The following RBMS3 variants were observed in gnomAD, a reference collection of about 807,000 sequenced individuals.
RBMS3 encodes the protein RNA-binding motif, single-stranded-interacting protein 3.
A neutral mutation model predicts 66.8 loss-of-function variants in RBMS3; 27 were observed. That is an observed-to-expected ratio of 0.40 (90% CI 0.30 to 0.56). RBMS3 has a LOEUF of 0.56. Among genes scored for constraint, RBMS3 ranks in the 20% least tolerant of loss-of-function variants. RBMS3 has a pLI of 0.40. For missense variants in RBMS3, 513 were observed against 549.5 expected (o/e 0.93, Z 0.66); for synonymous variants, 188 against 183.0 (o/e 1.03, Z -0.22).
intron 2 of RBMS3, among the ~76,000 whole-genome samples, chr3:29,440,731 G>C (rs1358375786): frequency 5.3e-5 from 8 of 152,180 alleles, no homozygotes; most frequent in Non-Finnish European, 1.0e-4. Flanking sequence ...AACCCTGTTG[G>C]ATGTCTCATT....
chr3:29,541,996 T>A (rs2045781270), intron 3 of RBMS3, among the ~76,000 whole-genome samples: 1 of 152,192 alleles, frequency 6.6e-6, no homozygotes. Flanking sequence ...TTTCTCACTA[T>A]CTTTTTCCCC....
intron 10 of RBMS3, among the ~76,000 whole-genome samples, chr3:29,921,962 T>G (rs77957067): frequency 0.014 from 2,173 of 152,194 alleles, 53 homozygotes; most frequent in African/African-American, 0.049. Context: ...CAGTGGGAGA[T>G]GCAAGTCTTG....
intron 6 of RBMS3, among the ~76,000 whole-genome samples, chr3:29,833,053 A>G (rs1018319426): frequency 2.6e-5 from 4 of 152,118 alleles, no homozygotes; most frequent in African/African-American, 9.7e-5. Flanking sequence ...TGGGATCGAG[A>G]GACAGCATAC....
chr3:29,368,397 A>T (rs563365355), intron 1 of RBMS3, among the ~76,000 whole-genome samples: 1 of 152,238 alleles, frequency 6.6e-6, no homozygotes, highest in Non-Finnish European at 1.5e-5. Context: ...ATTGCTGGGT[A>T]GAAAATTTGT....
chr3:29,822,790 G>A (rs2058106181), intron 6 of RBMS3, among the ~76,000 whole-genome samples: 1 of 152,102 alleles, frequency 6.6e-6, no homozygotes, highest in African/African-American at 2.4e-5. Context: ...CGCTGTTCAT[G>A]TCTACCTATG....
At chr3:29,397,138 G>T (rs1375521385) in intron 1 of RBMS3, among the ~76,000 whole-genome samples, 1 of 152,124 alleles carries the variant, frequency 6.6e-6, no homozygotes, top group African/African-American at 2.4e-5. Flanking sequence ...GAGAACTGCA[G>T]ATAGAGTTAA....
At chr3:29,417,713 A>G (rs1472371019) in intron 1 of RBMS3, among the ~76,000 whole-genome samples, 1 of 152,190 alleles carries the variant, frequency 6.6e-6, no homozygotes, top group Non-Finnish European at 1.5e-5. Context: ...CAAAGTCGGG[A>G]ATATCTGAAC....
chr3:29,619,417 A>G (rs975272289), intron 4 of RBMS3, among the ~76,000 whole-genome samples: 1 of 152,218 alleles, frequency 6.6e-6, no homozygotes, highest in Non-Finnish European at 1.5e-5. Flanking sequence ...GATAGGCATG[A>G]TAGTGTAAGC....
At chr3:29,939,051 T>A (rs751786106) in intron 11 of RBMS3, among the ~76,000 whole-genome samples, 3 of 151,936 alleles carry the variant, frequency 2.0e-5, no homozygotes, top group Non-Finnish European at 4.4e-5. Flanking sequence ...AGAAGTGATG[T>A]AACACACAGT....
intron 10 of RBMS3, among the ~76,000 whole-genome samples, chr3:29,916,365 G>C (rs2060638076): frequency 6.6e-6 from 1 of 151,852 alleles, no homozygotes; most frequent in Non-Finnish European, 1.5e-5. Flanking sequence ...ATAATCTCCA[G>C]TGAATATCCA....
At chr3:29,853,428 T>C (rs368160302) in intron 6 of RBMS3, among the ~76,000 whole-genome samples, 22 of 131,372 alleles carry the variant, frequency 1.7e-4, no homozygotes, top group Admixed American at 3.0e-4. Flanking sequence ...ACTTTCTTTT[T>C]TTTTTTTTTT....
At chr3:29,707,980 C>A (rs2052986413) in intron 4 of RBMS3, among the ~76,000 whole-genome samples, 2 of 152,202 alleles carry the variant, frequency 1.3e-5, no homozygotes, top group Non-Finnish European at 2.9e-5. Flanking sequence ...GGATGGCCCT[C>A]AAGTGTGACA....
chr3:29,747,351 C>CATCTATCT (rs201267769), intron 5 of RBMS3, among the ~76,000 whole-genome samples: 5 of 150,910 alleles, frequency 3.3e-5, no homozygotes, highest in African/African-American at 1.2e-4. Context: ...CTTTTCCTGA[C>CATCTATCT]ATCTATCTAT....
intron 3 of RBMS3, among the ~76,000 whole-genome samples, chr3:29,491,232 C>G (rs1043464555): frequency 6.6e-6 from 1 of 152,174 alleles, no homozygotes; most frequent in Admixed American, 6.5e-5. Flanking sequence ...CTTATCCTTA[C>G]ATCAGCTCCT....
In RBMS3 at chr3:29,432,729, G is replaced by A. The variant is rs1306210251; in HGVS notation, c.76-2014G>A. Among the ~76,000 whole-genome samples, 4 of 152,264 alleles carry A rather than the reference G, an allele frequency of 2.6e-5. No homozygotes were observed. In the East Asian group the frequency reaches 7.7e-4, roughly 29 times the overall value. ...TTAAATAAGACCCAATACACTGAAA[G>A]CTGTGAAGGAAAATACCAGAGTGTT... On this transcript the variant is annotated intron_variant, in intron 1 of 14. Coordinates refer to ENST00000383767, the MANE Select transcript of RBMS3 (RefSeq NM_001003793.3).
chr3:29,643,193 T>A (rs2049789495), intron 4 of RBMS3, among the ~76,000 whole-genome samples: 1 of 152,128 alleles, frequency 6.6e-6, no homozygotes, highest in Non-Finnish European at 1.5e-5. Context: ...ACCAGCCAGA[T>A]TTAATCTGAC....
intron 4 of RBMS3, among the ~76,000 whole-genome samples, chr3:29,655,797 G>C (rs535022498): frequency 6.6e-6 from 1 of 152,152 alleles, no homozygotes; most frequent in South Asian, 2.1e-4. Flanking sequence ...CATTATTACA[G>C]AGATGATAGC....
At chr3:29,318,042 G>T (rs562585534) in intron 1 of RBMS3, among the ~76,000 whole-genome samples, 1 of 151,768 alleles carries the variant, frequency 6.6e-6, no homozygotes, top group Admixed American at 6.6e-5. Flanking sequence ...TAATAGGAAA[G>T]ATCAAATTAC....
At chr3:29,286,653 C>T (rs1313771786) in intron 1 of RBMS3, among the ~76,000 whole-genome samples, 1 of 151,836 alleles carries the variant, frequency 6.6e-6, no homozygotes, top group Non-Finnish European at 1.5e-5. Context: ...GGGAGGGACA[C>T]AATATAGAAG....
Sources: allele counts gnomAD v4.1 joint callset (sites outside exome capture counted in the v4.1 genomes callset), GRCh38; gene constraint gnomAD v4.1.1; transcripts MANE v1.5; gene names NCBI Gene and HGNC (gene_info 2026-07-23, HGNC 2026-07-21).